MPP3: variants seen among roughly 807,000 people sequenced by gnomAD.
The protein encoded by MPP3 is MAGUK p55 scaffold protein 3.
A neutral mutation model predicts 80.7 loss-of-function variants in MPP3; 48 were observed. The ratio of observed to expected loss-of-function variants is 0.59; its 90% CI spans 0.47 to 0.76. The LOEUF (loss-of-function observed/expected upper bound fraction) is 0.76, where lower values mean the gene tolerates loss of function less well. MPP3 is among the 30% of genes least tolerant of loss of function. The pLI is 0.00. For missense variants in MPP3, 620 were observed against 763.0 expected (o/e 0.81, Z 2.21); for synonymous variants, 311 against 297.6 (o/e 1.04, Z -0.46).
At chr17:43,821,518 C>A (rs182111110) in intron 10 of MPP3, among the ~76,000 whole-genome samples, 175 of 152,306 alleles carry the variant, frequency 1.1e-3, no homozygotes, top group African/African-American at 3.7e-3. Flanking sequence ...ACACAAATAT[C>A]AACAAAACTA....
At chr17:43,813,545 T>G (rs1167901714) in intron 16 of MPP3, among the ~76,000 whole-genome samples, 1 of 152,070 alleles carries the variant, frequency 6.6e-6, no homozygotes, top group Non-Finnish European at 1.5e-5. Flanking sequence ...CACCCAGGAA[T>G]GTACCCAGCT....
At chr17:43,817,241 C>G (rs2045190123) in intron 12 of MPP3, among the ~76,000 whole-genome samples, 1 of 152,182 alleles carries the variant, frequency 6.6e-6, no homozygotes, top group South Asian at 2.1e-4. Flanking sequence ...GCACGGGGCC[C>G]TACCCTGGGG....
At chr17:43,803,202 G>A (rs1246704268) in intron 19 of MPP3, among the ~76,000 whole-genome samples, 2 of 152,004 alleles carry the variant, frequency 1.3e-5, no homozygotes, top group East Asian at 3.8e-4. Context: ...AGACCTGTCT[G>A]CTGCTTCCAG....
At chr17:43,812,286 T>C (rs1050763212) in intron 16 of MPP3, among the ~76,000 whole-genome samples, 11 of 152,222 alleles carry the variant, frequency 7.2e-5, no homozygotes, top group African/African-American at 2.7e-4. Flanking sequence ...TTCTGGCCCA[T>C]GGGAACCACC....
chr17:43,800,933 G>A lies in MPP3; in HGVS notation c.*768C>T, dbSNP rs2044389233. On this transcript the variant is annotated 3_prime_UTR_variant, in exon 20 of 20. Transcript: ENST00000398389. ...CAATGGGAACCCCTATGATCTCATG[G>A]CAGGGACTGGCTAGGACCAAGGCAA... is the stretch of plus-strand genomic sequence containing the variant. The A allele has an allele frequency of 6.6e-6, 1 of 152,188 alleles. No individual in the cohort carries two copies. Among genetic ancestry groups the A allele is most frequent in the Non-Finnish European group, 1.5e-5 (1 of 68,052 alleles). The allele number at this position is 152,188 out of a possible 1,614,324, so 9.4% of individuals were successfully genotyped here.
intron 13 of MPP3, 73 bp downstream of exon 13, chr17:43,816,604 G>A (rs1030954805): frequency 1.2e-5 from 17 of 1,385,730 alleles, no homozygotes; most frequent in East Asian, 5.0e-5. Context: ...GAAAGAACAC[G>A]AGCCCCTCAG....
chr17:43,821,078 G>A lies in MPP3; in HGVS notation c.685-20C>T. ...GAACACCTGCACAAGGAGGGCTCTGGTGAGGCGGCCCTTCCCCAAGTGAGC... is the reference window on the plus strand; with the variant it reads ...GAACACCTGCACAAGGAGGGCTCTGATGAGGCGGCCCTTCCCCAAGTGAGC... On this transcript the variant is annotated intron_variant, in intron 10 of 19. Coordinates refer to ENST00000398389, the MANE Select transcript of MPP3 (RefSeq NM_001932.6). The A allele has an allele frequency of 6.2e-7, 1 of 1,611,224 alleles. No homozygotes were observed.
intron 5 of MPP3, 62 bp from the exon 6 acceptor site, chr17:43,830,169 G>A: frequency 7.7e-7 from 1 of 1,301,998 alleles, no homozygotes; most frequent in South Asian, 1.6e-5. Context: ...TATCTGCTGG[G>A]TCCTTCCTCT....
chr17:43,820,790 C>A, intron 11 of MPP3, 72 bp downstream of exon 11: 4 of 1,454,664 alleles, frequency 2.7e-6, no homozygotes, highest in East Asian at 4.6e-5. Flanking sequence ...AGGGCAGAGA[C>A]TTGGGGGTCT....
At chr17:43,828,201 A>C (rs2045806713) in intron 7 of MPP3, among the ~76,000 whole-genome samples, 1 of 152,154 alleles carries the variant, frequency 6.6e-6, no homozygotes, top group Non-Finnish European at 1.5e-5. Context: ...ACATTTAATA[A>C]TGAGGATGAC....
Position 43,818,365 on chromosome 17 carries a change from G to T in MPP3, c.882-255C>A, listed in dbSNP as rs570088456. On this transcript the variant is annotated intron_variant, in intron 11 of 19. Transcript: ENST00000398389. ...CATCCAGCTCAAGATGGCCACACAG[G>T]ATCCAGCCCGGTGTACAATCCTCAG... 2.2e-4 allele frequency among the ~76,000 whole-genome samples: 34 copies of T among 152,258 alleles called. No homozygotes were observed. In the South Asian group the frequency reaches 7.1e-3, roughly 32 times the overall value.
intron 2 of MPP3, among the ~76,000 whole-genome samples, chr17:43,832,549 T>TA (rs2046018301): frequency 6.6e-6 from 1 of 152,150 alleles, no homozygotes; most frequent in Admixed American, 6.5e-5. Flanking sequence ...GGGGGACCCC[T>TA]ATCTCATGAG....
chr17:43,817,787 A>C (rs1194087933), intron 12 of MPP3: 5 of 450,680 alleles, frequency 1.1e-5, no homozygotes, highest in Non-Finnish European at 1.2e-5. Context: ...GTGTGAACAC[A>C]CACACATCTG....
chr17:43,831,987 A>G lies in MPP3; in HGVS notation c.-37-44T>C, dbSNP rs773095212. The G allele has an allele frequency of 5.5e-6, 7 of 1,275,968 alleles. No individual in the cohort carries two copies. The South Asian group carries it at 7.5e-5, about 14-fold the overall frequency. The allele number at this position is 1,275,968 out of a possible 1,614,324, so 79.0% of individuals were successfully genotyped here. ...GGTGGGTATTGAAGCTCCATCAAGCATATTTATTGAACAAACTGACTACAC... is the reference window on the plus strand; with the variant it reads ...GGTGGGTATTGAAGCTCCATCAAGCGTATTTATTGAACAAACTGACTACAC... On this transcript the variant is annotated intron_variant, in intron 2 of 19. Coordinates refer to ENST00000398389, the MANE Select transcript of MPP3 (RefSeq NM_001932.6).
intron 19 of MPP3, 36 bp downstream of exon 19, chr17:43,808,920 G>C (rs751104741): frequency 6.3e-7 from 1 of 1,580,224 alleles, no homozygotes; most frequent in Non-Finnish European, 8.5e-7. Context: ...GCCTCCCTTA[G>C]GCCTTCAGAA....
At position 43,816,100 on chromosome 17, in the gene MPP3, G is replaced by A. The variant is rs2045115011; in HGVS notation, c.968-21C>T. ...GGTCTCTGGGAAGCAAACAGAGGGA[G>A]GGAAGCCAGTGAGTCCCACCAGACA... On this transcript the variant is annotated intron_variant, in intron 13 of 19. Coordinates refer to ENST00000398389, the MANE Select transcript of MPP3 (RefSeq NM_001932.6). 2.7e-6 allele frequency: 4 copies of A among 1,507,090 alleles called. No homozygotes were observed. In the East Asian group the frequency reaches 7.9e-5, roughly 30 times the overall value. The allele number at this position is 1,507,090 out of a possible 1,614,324, so 93.4% of individuals were successfully genotyped here.
chr17:43,827,016 CTT>C (rs202007993), intron 8 of MPP3, among the ~76,000 whole-genome samples: 6,433 of 116,406 alleles, frequency 0.055, 151 homozygotes, highest in African/African-American at 0.086. Context: ...TTTTCTTTTT[CTT>C]TTTTTCTTTT....
At chr17:43,823,781 A>G (rs554713156) in intron 10 of MPP3, 150 bp downstream of exon 10, 6 of 579,872 alleles carry the variant, frequency 1.0e-5, no homozygotes, top group South Asian at 7.2e-5. Context: ...TGACGGAATT[A>G]AAGTCCTCCA....
rs1416373554 is a variant in MPP3 at position 43,801,531 on chromosome 17, C to G, written c.*170G>C. On this transcript the variant is annotated 3_prime_UTR_variant, in exon 20 of 20. Coordinates refer to ENST00000398389, the MANE Select transcript of MPP3 (RefSeq NM_001932.6). Reference sequence around the variant, plus strand: ...TCCAAAGAGGTGCAGTGAAAAACAACAGACAAAAACCAACAACAAACAAGA... The same window carrying G: ...TCCAAAGAGGTGCAGTGAAAAACAAGAGACAAAAACCAACAACAAACAAGA... 3.3e-6 allele frequency: 2 copies of G among 601,208 alleles called. No individual in the cohort carries two copies. Among genetic ancestry groups the G allele is most frequent in the Non-Finnish European group, 5.6e-6 (2 of 356,860 alleles). 37.2% of individuals were successfully genotyped at this position (601,208 alleles called of 1,614,324 possible). A position where few individuals can be genotyped will look rare whatever the true frequency, so the allele number is the denominator to read the frequency against.
Sources: allele counts gnomAD v4.1 joint callset (sites outside exome capture counted in the v4.1 genomes callset), GRCh38; gene constraint gnomAD v4.1.1; transcripts MANE v1.5; gene names NCBI Gene and HGNC (gene_info 2026-07-23, HGNC 2026-07-21).